Variants in PLCB1 observed in about 807,000 individuals in gnomAD.
PLCB1 encodes phospholipase C beta 1.
Under a neutral mutation model 161.8 loss-of-function variants are expected in PLCB1, and 46 were observed. The observed-to-expected ratio is 0.28, with a 90% CI of 0.22 to 0.36. The LOEUF is 0.36. PLCB1 is among the 10% of genes least tolerant of loss of function. The probability of loss-of-function intolerance (pLI) is 1.00; values close to 1 mark genes in which losing one functional copy is unlikely to be tolerated. For synonymous variants in PLCB1, 517 were observed against 503.7 expected (o/e 1.03, Z -0.35); for missense variants, 1,016 against 1,472.5 (o/e 0.69, Z 5.07).
chr20:8,341,686 C>A (rs967940594), intron 2 of PLCB1, among the ~76,000 whole-genome samples: 1 of 152,174 alleles, frequency 6.6e-6, no homozygotes, highest in African/African-American at 2.4e-5. Flanking sequence ...CTAATTATAT[C>A]TGACCTTCTC....
intron 31 of PLCB1, among the ~76,000 whole-genome samples, chr20:8,842,208 T>TA (rs748464507): frequency 2.0e-5 from 3 of 152,282 alleles, no homozygotes; most frequent in South Asian, 4.1e-4. Flanking sequence ...AAACAATCAG[T>TA]AAAAAATGCT....
chr20:8,760,482 C>T, intron 25 of PLCB1, 22 bp downstream of exon 25: 1 of 1,582,464 alleles, frequency 6.3e-7, no homozygotes, highest in Middle Eastern at 1.7e-4. Context: ...CCTTTCCCCC[C>T]ATGGAATTAA....
At position 8,276,939 on chromosome 20, in the gene PLCB1, T is replaced by G. The variant is rs949223805; in HGVS notation, c.178-94443T>G. ...TCGTCTTCTTCTTTTCTTCTTCTTC[T>G]TCTTCTTCTTCTTCTTCTTCTTCTT... On this transcript the variant is annotated intron_variant, in intron 2 of 31. Transcript: ENST00000338037. 6.1e-5 allele frequency among the ~76,000 whole-genome samples: 3 copies of G among 49,394 alleles called. No individual in the cohort carries two copies. The South Asian group carries it at 2.0e-3, about 33-fold the overall frequency. 32.4% of individuals were successfully genotyped at this position (49,394 alleles called of 152,430 possible). A position where few individuals can be genotyped will look rare whatever the true frequency, so the allele number is the denominator to read the frequency against.
chr20:8,644,401 C>CCCGG (rs551701873), intron 4 of PLCB1, among the ~76,000 whole-genome samples: 18,683 of 145,676 alleles, frequency 0.13, 1,419 homozygotes, highest in Non-Finnish European at 0.17. Context: ...AGCGTCTCTG[C>CCCGG]CCGGCCACCC....
At chr20:8,469,925 A>G (rs1981980672) in intron 3 of PLCB1, among the ~76,000 whole-genome samples, 1 of 152,122 alleles carries the variant, frequency 6.6e-6, no homozygotes, top group Non-Finnish European at 1.5e-5. Context: ...ATTAATAGTC[A>G]TTCCTCATTT....
At chr20:8,811,339 GAAA>G (rs1984812161) in intron 31 of PLCB1, among the ~76,000 whole-genome samples, 1 of 152,188 alleles carries the variant, frequency 6.6e-6, no homozygotes, top group Admixed American at 6.5e-5. Context: ...AGTAATGGAG[GAAA>G]TAGGAGGGAA....
chr20:8,685,293 G>A (rs1990333169), intron 10 of PLCB1, among the ~76,000 whole-genome samples: 1 of 139,168 alleles, frequency 7.2e-6, no homozygotes, highest in Admixed American at 7.4e-5. Context: ...CACAGCCTAA[G>A]TTTTTAAGTC....
chr20:8,451,977 C>G (rs1475689219), intron 3 of PLCB1, among the ~76,000 whole-genome samples: 1 of 152,026 alleles, frequency 6.6e-6, no homozygotes, highest in Non-Finnish European at 1.5e-5. Flanking sequence ...TTTTGACATT[C>G]ATTGCACAGT....
chr20:8,149,428 G>A (rs924333727), intron 1 of PLCB1, among the ~76,000 whole-genome samples: 9 of 152,020 alleles, frequency 5.9e-5, no homozygotes, highest in African/African-American at 1.7e-4. Flanking sequence ...AGTCCCAAAT[G>A]CCAAAATTAT....
intron 2 of PLCB1, among the ~76,000 whole-genome samples, chr20:8,332,952 A>G (rs1985422087): frequency 6.6e-6 from 1 of 152,242 alleles, no homozygotes; most frequent in Admixed American, 6.5e-5. Flanking sequence ...TGTGGCACAG[A>G]TGGCTAGCTG....
intron 3 of PLCB1, among the ~76,000 whole-genome samples, chr20:8,524,285 A>C (rs1028155810): frequency 4.6e-5 from 7 of 152,168 alleles, no homozygotes; most frequent in African/African-American, 1.7e-4. Flanking sequence ...TCAATAAATC[A>C]TGAAAAAAAT....
intron 10 of PLCB1, among the ~76,000 whole-genome samples, chr20:8,695,971 C>T (rs1184316932): frequency 1.3e-5 from 2 of 152,142 alleles, no homozygotes; most frequent in Non-Finnish European, 2.9e-5. Flanking sequence ...ATTCTCATCA[C>T]TTTAGTAGGG....
intron 24 of PLCB1, among the ~76,000 whole-genome samples, chr20:8,759,680 A>G (rs1157690012): frequency 1.3e-5 from 2 of 151,844 alleles, no homozygotes; most frequent in Non-Finnish European, 2.9e-5. Flanking sequence ...TTATATTTTT[A>G]GTAGAGACGG....
chr20:8,707,595 A>G (rs774419750), intron 11 of PLCB1, among the ~76,000 whole-genome samples: 25 of 152,174 alleles, frequency 1.6e-4, no homozygotes, highest in Non-Finnish European at 3.1e-4. Flanking sequence ...TTTGAAATAC[A>G]TGAGGGACTG....
At chr20:8,833,721 G>C (rs147447332) in intron 31 of PLCB1, among the ~76,000 whole-genome samples, 1,889 of 152,298 alleles carry the variant, frequency 0.012, 25 homozygotes, top group Middle Eastern at 0.034. Flanking sequence ...AACTGTGAAA[G>C]AATACATTTC....
intron 22 of PLCB1, 39 bp downstream of exon 22, chr20:8,740,487 G>T: frequency 1.7e-6 from 2 of 1,150,328 alleles, no homozygotes; most frequent in South Asian, 1.5e-5. Flanking sequence ...ACTCAAAGGG[G>T]TATTTCTGTC....
At chr20:8,563,787 A>G (rs965578093) in intron 3 of PLCB1, among the ~76,000 whole-genome samples, 1 of 152,140 alleles carries the variant, frequency 6.6e-6, no homozygotes, top group African/African-American at 2.4e-5. Flanking sequence ...ACAACTTACA[A>G]GGGATGTGAA....
chr20:8,196,872 A>G (rs1242818850), intron 2 of PLCB1, among the ~76,000 whole-genome samples: 4 of 151,584 alleles, frequency 2.6e-5, no homozygotes, highest in South Asian at 2.1e-4. Flanking sequence ...CCTGTGTCCA[A>G]GTGTTCTCAT....
chr20:8,485,403 T>C lies in PLCB1; in HGVS notation c.246+113953T>C, dbSNP rs147463028. ...GATTAACTTTAACTCTTCAAATCAATTGTAAGCTGCCTAAAGGCAGAAAAG... is the reference window on the plus strand; with the variant it reads ...GATTAACTTTAACTCTTCAAATCAACTGTAAGCTGCCTAAAGGCAGAAAAG... On this transcript the variant is annotated intron_variant, in intron 3 of 31. Transcript: ENST00000338037. Among the ~76,000 whole-genome samples, 16 of 152,392 alleles carry C rather than the reference T, an allele frequency of 1.0e-4. No homozygotes were observed. In the East Asian group the frequency reaches 2.5e-3, roughly 24 times the overall value.
Sources: gnomAD v4.1 joint callset for allele counts (sites outside exome capture counted in the v4.1 genomes callset) on GRCh38, gnomAD v4.1.1 for gene constraint, MANE v1.5 for transcripts, NCBI Gene and HGNC (gene_info 2026-07-23, HGNC 2026-07-21) for gene names.